Variants in ZNF91 observed in about 807,000 individuals in gnomAD.
The protein encoded by ZNF91 is zinc finger protein 91.
A neutral mutation model predicts 12.6 loss-of-function variants in ZNF91; 7 were observed. That is an observed-to-expected ratio of 0.55 (90% confidence interval 0.31 to 1.04). The LOEUF is 1.04. ZNF91 is among the 50% of genes least tolerant of loss of function. The pLI is 0.05. For missense variants in ZNF91, 1,217 were observed against 1,385.4 expected, an observed-to-expected ratio of 0.88 and a Z score of 1.93; for synonymous variants, 453 against 462.6, an observed-to-expected ratio of 0.98 and a Z score of 0.27.
chr19:23,375,715 C>CT (rs1369184905), intron 1 of ZNF91, among the ~76,000 whole-genome samples: 2 of 150,264 alleles, frequency 1.3e-5, no homozygotes, highest in African/African-American at 4.9e-5. Context: ...CAAAGAAAAC[C>CT]TAAAAAAAAA....
rs774634165 is a variant in ZNF91, at chr19:23,362,223, G to C, written c.756C>G (p.Thr252=). ...ECGKAFKQLS[T]LTTHKIICAK... ...CACAGATTATTTTATGTGTAGTAAG[G>C]GTTGAGAGCTGCTTAAAAGCTTTGC... The change falls in exon 4 of 4, where the codon ACC becomes ACG. Residue 252 remains threonine (T), a synonymous_variant. Transcript: ENST00000300619. The C allele has an allele frequency of 4.5e-5, 72 of 1,612,798 alleles. No individual in the cohort carries two copies. In the South Asian group the frequency reaches 7.3e-4, roughly 16 times the overall value.
chr19:23,342,587 T>C (rs888346919), intron 3 of ZNF91, among the ~76,000 whole-genome samples: 5 of 151,204 alleles, frequency 3.3e-5, no homozygotes, highest in African/African-American at 1.2e-4. Context: ...AGGGGAAGGT[T>C]CCTATTAAGA....
chr19:23,338,584 AG>A (rs1968059967), downstream of ZNF91: 7 of 149,724 alleles, frequency 4.7e-5, no homozygotes, highest in Admixed American at 4.6e-4. Flanking sequence ...TAAAACTAAC[AG>A]GTCTTACAAA....
downstream of ZNF91, among the ~76,000 whole-genome samples, chr19:23,355,819 C>T (rs559659443): frequency 6.6e-5 from 10 of 152,146 alleles, no homozygotes; most frequent in South Asian, 8.3e-4. Flanking sequence ...AAAAAACAAT[C>T]GCATCAAAAA....
chr19:23,334,922 AAAT>A (rs1333912379), downstream of ZNF91, among the ~76,000 whole-genome samples: 2 of 152,242 alleles, frequency 1.3e-5, no homozygotes, highest in East Asian at 3.8e-4. Context: ...ATGCATATTA[AAAT>A]AATGAGACGC....
intron 3 of ZNF91, among the ~76,000 whole-genome samples, chr19:23,367,883 A>T (rs1969077053): frequency 6.6e-6 from 1 of 152,182 alleles, no homozygotes; most frequent in Admixed American, 6.5e-5. Flanking sequence ...AATTAGACAT[A>T]AGAAGGTAAC....
At chr19:23,380,152 A>C (rs1439518062) in intron 1 of ZNF91, among the ~76,000 whole-genome samples, 1 of 151,680 alleles carries the variant, frequency 6.6e-6, no homozygotes, top group Non-Finnish European at 1.5e-5. Flanking sequence ...CCAAGCACTC[A>C]GGAGGCTGAG....
At chr19:23,373,944 C>T in intron 2 of ZNF91, 107 bp from the exon 3 acceptor site, 2 of 575,028 alleles carry the variant, frequency 3.5e-6, no homozygotes, top group Non-Finnish European at 2.8e-6. Flanking sequence ...AATAAATTGT[C>T]CCAATATACT....
chr19:23,382,637 G>A (rs1368562998), intron 1 of ZNF91, among the ~76,000 whole-genome samples: 1 of 152,002 alleles, frequency 6.6e-6, no homozygotes, highest in Non-Finnish European at 1.5e-5. Context: ...AAATCCTCAG[G>A]AAATTCAAAA....
Position 23,360,816 on chromosome 19 carries a change from T to A in ZNF91, c.2163A>T (p.Lys721Asn). The change falls in exon 4 of 4, where the codon AAA becomes AAT. Residue 721 changes from lysine (K) to asparagine (N), a missense_variant. Lys to Asn is a moderately conservative substitution (Grantham distance 94). Transcript: ENST00000300619. ...EKLYKCEECG[K>N]AFNRSSNLTI... ...TAAGATTTGAAGATCGATTAAAAGCTTTGCCACATTCTTCACATTTGTAGA... is the reference window on the plus strand; with the variant it reads ...TAAGATTTGAAGATCGATTAAAAGCATTGCCACATTCTTCACATTTGTAGA... 1 of 1,613,528 alleles carries A rather than the reference T, an allele frequency of 6.2e-7. No homozygotes were observed. The highest frequency in any genetic ancestry group is 8.5e-7 in the Non-Finnish European group (1 of 1,179,708).
upstream of ZNF91, among the ~76,000 whole-genome samples, chr19:23,314,140 C>A (rs1967513505): frequency 1.3e-5 from 2 of 152,118 alleles, no homozygotes; most frequent in South Asian, 4.1e-4. Flanking sequence ...TTGGCATTGC[C>A]CACATTGCAT....
intron 1 of ZNF91, 49 bp from the exon 2 acceptor site, chr19:23,374,813 A>G (rs749666584): frequency 6.3e-7 from 1 of 1,591,770 alleles, no homozygotes; most frequent in African/African-American, 1.3e-5. Context: ...CTATGGGCAG[A>G]ATTTTTCATT....
At chr19:23,312,412 G>A (rs983526712), upstream of ZNF91, among the ~76,000 whole-genome samples, 4 of 152,176 alleles carry the variant, frequency 2.6e-5, no homozygotes, top group Admixed American at 6.5e-5. Flanking sequence ...TTGTATGAAG[G>A]TCATAGAGAA....
intron 3 of ZNF91, among the ~76,000 whole-genome samples, chr19:23,346,568 T>C (rs1273248008): frequency 2.6e-5 from 4 of 152,178 alleles, no homozygotes; most frequent in East Asian, 1.9e-4. Flanking sequence ...TATACCAACG[T>C]AGACCCAGCT....
intron 2 of ZNF91, chr19:23,308,167 C>T (rs1426455624): frequency 6.6e-6 from 1 of 152,114 alleles, no homozygotes; most frequent in Admixed American, 6.5e-5. Context: ...TATCATTGGG[C>T]TCAACCCCTA....
At chr19:23,354,095 G>C (rs1968429897), downstream of ZNF91, among the ~76,000 whole-genome samples, 1 of 152,080 alleles carries the variant, frequency 6.6e-6, no homozygotes, top group Non-Finnish European at 1.5e-5. Flanking sequence ...CATTCTATGA[G>C]GTCAGCATCA....
intron 1 of ZNF91, among the ~76,000 whole-genome samples, chr19:23,330,314 G>C (rs1967907090): frequency 6.6e-6 from 1 of 150,810 alleles, no homozygotes; most frequent in Admixed American, 6.6e-5. Context: ...CTTGGCAGCA[G>C]AGCCAGACTT....
At chr19:23,350,486 G>A (rs752573216) in intron 3 of ZNF91, among the ~76,000 whole-genome samples, 19 of 152,232 alleles carry the variant, frequency 1.2e-4, no homozygotes, top group Non-Finnish European at 1.9e-4. Flanking sequence ...ATACCAACCC[G>A]TCTCTCAAGA....
Position 23,342,785 on chromosome 19 carries a change from T to C in ZNF91, c.254-3731A>G, listed in dbSNP as rs577842853. 4.6e-5 allele frequency among the ~76,000 whole-genome samples: 7 copies of C among 152,196 alleles called. No individual in the cohort carries two copies. In the South Asian group the frequency reaches 1.5e-3, roughly 32 times the overall value. On this transcript the variant is annotated intron_variant, in intron 3 of 3. Transcript: ENST00000599743. Reference sequence around the variant, plus strand: ...TATTCTCACCGAGAGACCAGGTTTCTATAGTTCTCTAACATTGCATCTCTA... The same window carrying C: ...TATTCTCACCGAGAGACCAGGTTTCCATAGTTCTCTAACATTGCATCTCTA...
Sources: allele counts gnomAD v4.1 joint callset (sites outside exome capture counted in the v4.1 genomes callset), GRCh38; gene constraint gnomAD v4.1.1; transcripts MANE v1.5; gene names NCBI Gene and HGNC (gene_info 2026-07-23, HGNC 2026-07-21).